Variants in CYP2C19 observed in about 807,000 individuals in gnomAD.
CYP2C19 encodes the protein cytochrome P450 2C19.
A neutral mutation model predicts 40.9 loss-of-function variants in CYP2C19; 59 were observed. The ratio of observed to expected loss-of-function variants is 1.44; its 90% confidence interval spans 1.17 to 1.79. CYP2C19 has a LOEUF of 1.79. CYP2C19 is among the 40% of genes most tolerant of loss of function. CYP2C19 has a pLI of 0.00. For synonymous variants in CYP2C19, 253 were observed against 208.7 expected (o/e 1.21, Z -1.83); for missense variants, 754 against 596.9 (o/e 1.26, Z -2.74).
chr10:94,831,862 C>G (rs1224473283), intron 6 of CYP2C19, among the ~76,000 whole-genome samples: 1 of 151,878 alleles, frequency 6.6e-6, no homozygotes, highest in Admixed American at 6.6e-5. Flanking sequence ...TTATCTCTTC[C>G]CTTTGTTGAT....
At chr10:94,803,649 A>G (rs547413700) in intron 5 of CYP2C19, among the ~76,000 whole-genome samples, 8 of 152,306 alleles carry the variant, frequency 5.3e-5, no homozygotes, top group African/African-American at 1.9e-4. Context: ...TGAAGCCCCC[A>G]GGGTTGTGCT....
At chr10:94,813,710 A>T (rs867856116) in intron 5 of CYP2C19, among the ~76,000 whole-genome samples, 17 of 151,252 alleles carry the variant, frequency 1.1e-4, no homozygotes, top group Admixed American at 2.6e-4. Context: ...AGTGGATCTT[A>T]GCTTGCTGGG....
intron 5 of CYP2C19, among the ~76,000 whole-genome samples, chr10:94,815,266 TAC>T (rs947175021): frequency 6.6e-6 from 1 of 152,106 alleles, no homozygotes; most frequent in Non-Finnish European, 1.5e-5. Context: ...TGTCTTTGTC[TAC>T]ACATGTTGAG....
At chr10:94,830,806 G>A (rs1405002381) in intron 6 of CYP2C19, among the ~76,000 whole-genome samples, 2 of 151,478 alleles carry the variant, frequency 1.3e-5, no homozygotes, top group Non-Finnish European at 2.9e-5. Context: ...TAATATGTTT[G>A]TGGGGTACAG....
At chr10:94,772,219 T>G (rs1310052897) in intron 1 of CYP2C19, among the ~76,000 whole-genome samples, 1 of 151,972 alleles carries the variant, frequency 6.6e-6, no homozygotes, top group Non-Finnish European at 1.5e-5. Context: ...ATATCCTAGC[T>G]TCAGGAATAG....
At chr10:94,850,247 G>T (rs771160427) in intron 8 of CYP2C19, among the ~76,000 whole-genome samples, 189 bp downstream of exon 8, 8 of 152,052 alleles carry the variant, frequency 5.3e-5, no homozygotes, top group African/African-American at 1.9e-4. Context: ...AGTGGGTTTT[G>T]GAGAATTAAT....
At chr10:94,824,661 T>C (rs887866344) in intron 6 of CYP2C19, among the ~76,000 whole-genome samples, 13 of 152,172 alleles carry the variant, frequency 8.5e-5, no homozygotes, top group African/African-American at 3.1e-4. Flanking sequence ...AAACATTTCA[T>C]TTTTTTAATT....
chr10:94,811,885 A>C (rs1312490712), intron 5 of CYP2C19, among the ~76,000 whole-genome samples: 1 of 152,050 alleles, frequency 6.6e-6, no homozygotes, highest in Non-Finnish European at 1.5e-5. Context: ...ATTTAAGGTT[A>C]ATATTGTGTG....
intron 5 of CYP2C19, among the ~76,000 whole-genome samples, chr10:94,785,229 G>A (rs1445757570): frequency 6.6e-6 from 1 of 151,806 alleles, no homozygotes; most frequent in Non-Finnish European, 1.5e-5. Flanking sequence ...TGAACCTATT[G>A]CCAAATATGA....
intron 5 of CYP2C19, among the ~76,000 whole-genome samples, chr10:94,803,431 T>C (rs1848792773): frequency 6.6e-6 from 1 of 152,188 alleles, no homozygotes; most frequent in Admixed American, 6.5e-5. Flanking sequence ...TAGCACAAGT[T>C]TCTCTAGCAC....
chr10:94,811,719 C>T (rs1044043714), intron 5 of CYP2C19, among the ~76,000 whole-genome samples: 2 of 151,908 alleles, frequency 1.3e-5, no homozygotes, highest in African/African-American at 4.8e-5. Context: ...GTTTTGCTTT[C>T]CATTTGCTTG....
At chr10:94,769,344 C>G (rs917947008) in intron 1 of CYP2C19, among the ~76,000 whole-genome samples, 1 of 152,174 alleles carries the variant, frequency 6.6e-6, no homozygotes, top group East Asian at 1.9e-4. Context: ...AGGGCTATCC[C>G]TAAACCCTTG....
At chr10:94,788,588 AAC>A (rs1848571545) in intron 5 of CYP2C19, among the ~76,000 whole-genome samples, 1 of 152,090 alleles carries the variant, frequency 6.6e-6, no homozygotes, top group South Asian at 2.1e-4. Context: ...TATGAGTGAG[AAC>A]ACACAGTGTT....
intron 1 of CYP2C19, among the ~76,000 whole-genome samples, chr10:94,767,590 A>G (rs1848264564): frequency 6.6e-6 from 1 of 152,184 alleles, no homozygotes; most frequent in South Asian, 2.1e-4. Flanking sequence ...AAGGGGCCCT[A>G]TGATGGACCA....
In CYP2C19 at chr10:94,842,989, T is replaced by A; in HGVS notation, c.1114T>A (p.Cys372Ser). Residue 372 changes from cysteine to serine, a missense_variant, in exon 7 of 9, where the codon TGT becomes AGT. Transcript: ENST00000371321. ...CACCAGCCTGCCCCATGCAGTGACCTGTGACGTTAAATTCAGAAACTACCT... is the reference window on the plus strand; with the variant it reads ...CACCAGCCTGCCCCATGCAGTGACCAGTGACGTTAAATTCAGAAACTACCT... Reference protein sequence around the residue: ...IPTSLPHAVTCDVKFRNYLIP... With the variant: ...IPTSLPHAVTSDVKFRNYLIP... The A allele has an allele frequency of 6.2e-7, 1 of 1,614,220 alleles. No homozygotes were observed. The highest frequency in any genetic ancestry group is 1.3e-5 in the African/African-American group (1 of 75,046).
intron 6 of CYP2C19, among the ~76,000 whole-genome samples, chr10:94,830,784 G>A (rs542172672): frequency 6.6e-6 from 1 of 152,088 alleles, no homozygotes; most frequent in South Asian, 2.1e-4. Flanking sequence ...TGGGTACAGA[G>A]TAGGTATATA....
chr10:94,764,688 G>C (rs533597089), intron 1 of CYP2C19, among the ~76,000 whole-genome samples: 1 of 152,254 alleles, frequency 6.6e-6, no homozygotes, highest in African/African-American at 2.4e-5. Context: ...CAGTCCAGGT[G>C]TCCTTGGAAG....
At chr10:94,849,453 A>C (rs1028153617) in intron 7 of CYP2C19, among the ~76,000 whole-genome samples, 1 of 152,046 alleles carries the variant, frequency 6.6e-6, no homozygotes, top group Non-Finnish European at 1.5e-5. Context: ...AGAATCAAGA[A>C]ATCCTATAGG....
chr10:94,771,094 T>A (rs1848323604), intron 1 of CYP2C19, among the ~76,000 whole-genome samples: 1 of 152,100 alleles, frequency 6.6e-6, no homozygotes, highest in Non-Finnish European at 1.5e-5. Flanking sequence ...CCTATCAGGA[T>A]CATCTGGAAA....
Sources: allele counts gnomAD v4.1 joint callset (sites outside exome capture counted in the v4.1 genomes callset), GRCh38; gene constraint gnomAD v4.1.1; transcripts MANE v1.5; gene names NCBI Gene and HGNC (gene_info 2026-07-23, HGNC 2026-07-21).